Variants in EPSTI1 observed in about 807,000 individuals in gnomAD.
EPSTI1 encodes the protein epithelial stromal interaction 1.
EPSTI1 carries 66 observed loss-of-function variants against 49.9 expected under a neutral mutation model. The observed-to-expected ratio is 1.32, with a 90% CI of 1.08 to 1.62. The LOEUF is 1.62. EPSTI1 is among the 40% of genes most tolerant of loss of function. The pLI is 0.00. For synonymous variants in EPSTI1, 137 were observed against 130.7 expected, an observed-to-expected ratio of 1.05 and a Z score of -0.33; for missense variants, 394 against 365.5, an observed-to-expected ratio of 1.08 and a Z score of -0.64.
At chr13:42,928,743 TTC>T (rs1300015161) in intron 6 of EPSTI1, among the ~76,000 whole-genome samples, 1 of 152,232 alleles carries the variant, frequency 6.6e-6, no homozygotes, top group Non-Finnish European at 1.5e-5. Context: ...CATTCTCCTC[TTC>T]TGGCCACACA....
At chr13:42,947,423 T>G (rs1487404522) in intron 6 of EPSTI1, among the ~76,000 whole-genome samples, 4 of 152,200 alleles carry the variant, frequency 2.6e-5, no homozygotes, top group African/African-American at 4.8e-5. Context: ...GCATGGAGCC[T>G]TCTTCTCCTC....
chr13:42,981,918 A>G (rs1421541851), intron 1 of EPSTI1, among the ~76,000 whole-genome samples: 1 of 149,274 alleles, frequency 6.7e-6, no homozygotes, highest in African/African-American at 2.4e-5. Flanking sequence ...TGAATTGCTC[A>G]CTGCAGGCTA....
chr13:42,951,951 T>C (rs1238391138), intron 6 of EPSTI1, among the ~76,000 whole-genome samples: 1 of 152,210 alleles, frequency 6.6e-6, no homozygotes, highest in Non-Finnish European at 1.5e-5. Context: ...GATTGTAAAA[T>C]GCACCAATCA....
intron 8 of EPSTI1, among the ~76,000 whole-genome samples, chr13:42,915,783 T>C (rs1566113239): frequency 6.6e-6 from 1 of 152,116 alleles, no homozygotes; most frequent in Non-Finnish European, 1.5e-5. Flanking sequence ...CCAGAAAATA[T>C]GTGTATATCA....
At chr13:42,911,290 T>G (rs987133171) in intron 8 of EPSTI1, among the ~76,000 whole-genome samples, 1 of 112,972 alleles carries the variant, frequency 8.9e-6, no homozygotes, top group Non-Finnish European at 2.0e-5. Context: ...CACACGTGTG[T>G]GAGTGTGCAC....
At chr13:42,892,820 C>T (rs1267861250) in intron 10 of EPSTI1, among the ~76,000 whole-genome samples, 1 of 152,182 alleles carries the variant, frequency 6.6e-6, no homozygotes, top group Non-Finnish European at 1.5e-5. Flanking sequence ...CCCTGAGGCA[C>T]TTCACTGTTG....
chr13:42,966,741 G>GGGGTCA (rs1566167015), intron 3 of EPSTI1, among the ~76,000 whole-genome samples: 1 of 84,630 alleles, frequency 1.2e-5, no homozygotes, highest in African/African-American at 3.6e-5. Flanking sequence ...GGAGGTGAGG[G>GGGGTCA]GCGCCTCCGC....
intron 8 of EPSTI1, among the ~76,000 whole-genome samples, chr13:42,915,237 A>C (rs2037796021): frequency 6.6e-6 from 1 of 152,236 alleles, no homozygotes; most frequent in Non-Finnish European, 1.5e-5. Flanking sequence ...TCTACAAATA[A>C]AGAAATGCCT....
chr13:42,985,342 T>G (rs897706240), intron 1 of EPSTI1, among the ~76,000 whole-genome samples: 2 of 152,234 alleles, frequency 1.3e-5, no homozygotes, highest in African/African-American at 2.4e-5. Flanking sequence ...AGTCCAAGGC[T>G]GGACAGACAG....
intron 10 of EPSTI1, among the ~76,000 whole-genome samples, chr13:42,890,279 A>C (rs187198279): frequency 1.9e-3 from 274 of 141,780 alleles, no homozygotes; most frequent in African/African-American, 6.8e-3. Flanking sequence ...ACAAAATTTA[A>C]GAATTTTTTT....
At chr13:42,962,225 C>T (rs1257177380) in intron 5 of EPSTI1, among the ~76,000 whole-genome samples, 7 of 152,128 alleles carry the variant, frequency 4.6e-5, no homozygotes, top group African/African-American at 1.7e-4. Context: ...CTTTTATGTG[C>T]ACAGGAATTA....
intron 3 of EPSTI1, among the ~76,000 whole-genome samples, chr13:42,968,328 G>T (rs903029770): frequency 2.0e-5 from 3 of 151,958 alleles, no homozygotes; most frequent in Admixed American, 6.6e-5. Flanking sequence ...TTCTTGGTGG[G>T]GGGGCAGGGT....
intron 2 of EPSTI1, chr13:42,969,590 C>A (rs1594749327): frequency 5.1e-6 from 1 of 196,512 alleles, no homozygotes; most frequent in East Asian, 1.6e-4. Context: ...AATTCTGATG[C>A]CCATACTCGC....
chr13:42,935,348 C>G (rs1330863661), intron 6 of EPSTI1, among the ~76,000 whole-genome samples: 1 of 152,218 alleles, frequency 6.6e-6, no homozygotes, highest in Non-Finnish European at 1.5e-5. Context: ...TTCCTCTTCT[C>G]CCTGCTTCCA....
intron 6 of EPSTI1, among the ~76,000 whole-genome samples, chr13:42,928,479 C>T (rs2038255993): frequency 6.6e-6 from 1 of 152,216 alleles, no homozygotes; most frequent in Non-Finnish European, 1.5e-5. Flanking sequence ...ATTATCACTA[C>T]CGTGACTCTA....
intron 3 of EPSTI1, among the ~76,000 whole-genome samples, chr13:42,966,698 G>C (rs1394138688): frequency 1.2e-4 from 10 of 83,890 alleles, no homozygotes; most frequent in East Asian, 6.1e-4. Context: ...AGGTGGGGGG[G>C]TCAGCCCCCC....
Position 42,890,352 on chromosome 13 carries a change from T to C in EPSTI1, c.916-1850A>G, listed in dbSNP as rs184703399. On this transcript the variant is annotated intron_variant, in intron 10 of 10. Coordinates refer to ENST00000313624, the MANE Select transcript of EPSTI1 (RefSeq NM_033255.5). ...TCGCTCTGTCACCCAGGCTGGACTG[T>C]GGTGGCGCAATCCCTGCTCACCGCA... 2.9e-3 allele frequency among the ~76,000 whole-genome samples: 431 copies of C among 149,736 alleles called. 2 individuals carry two copies. Among genetic ancestry groups the C allele is most frequent in the Non-Finnish European group, 3.4e-3 (230 of 67,554 alleles).
chr13:42,920,298 T>A (rs544922824), intron 7 of EPSTI1, among the ~76,000 whole-genome samples: 2 of 152,166 alleles, frequency 1.3e-5, no homozygotes, highest in African/African-American at 4.8e-5. Context: ...TCCCCAAAAT[T>A]ACCCTAAACA....
chr13:42,902,817 T>C (rs1425167250), intron 8 of EPSTI1, among the ~76,000 whole-genome samples: 2 of 152,180 alleles, frequency 1.3e-5, no homozygotes, highest in Non-Finnish European at 2.9e-5. Context: ...AGCTTATTAG[T>C]AGCAAAATAA....
Sources: allele counts gnomAD v4.1 joint callset (sites outside exome capture counted in the v4.1 genomes callset), GRCh38; gene constraint gnomAD v4.1.1; transcripts MANE v1.5; gene names NCBI Gene and HGNC (gene_info 2026-07-23, HGNC 2026-07-21).